The following DYRK1A variants were observed in gnomAD, a reference collection of about 807,000 sequenced individuals.
DYRK1A encodes the protein dual specificity tyrosine phosphorylation regulated kinase 1A.
Under a neutral mutation model 79.7 loss-of-function variants are expected in DYRK1A, and 9 were observed. The ratio of observed to expected loss-of-function variants is 0.11; its 90% CI spans 0.07 to 0.20. The LOEUF (loss-of-function observed/expected upper bound fraction) is 0.20. Ranked by LOEUF, DYRK1A falls within the 10% of genes least tolerant of loss-of-function variation. DYRK1A has a pLI of 1.00. For missense variants in DYRK1A, 622 were observed against 956.0 expected (o/e 0.65, Z 4.61); for synonymous variants, 349 against 329.7 (o/e 1.06, Z -0.63).
At chr21:37,387,049 A>G (rs935029819) in intron 1 of DYRK1A, among the ~76,000 whole-genome samples, 1 of 152,144 alleles carries the variant, frequency 6.6e-6, no homozygotes, top group African/African-American at 2.4e-5. Context: ...GTCCCTTGGC[A>G]CTGGGCATGC....
intron 1 of DYRK1A, among the ~76,000 whole-genome samples, chr21:37,409,076 A>G (rs963537338): frequency 1.3e-5 from 2 of 152,202 alleles, no homozygotes; most frequent in Non-Finnish European, 2.9e-5. Flanking sequence ...TTACGGGCAG[A>G]GGTGGATAAA....
At chr21:37,479,177 A>G (rs1177169880) in intron 4 of DYRK1A, among the ~76,000 whole-genome samples, 1 of 151,248 alleles carries the variant, frequency 6.6e-6, no homozygotes, top group African/African-American at 2.5e-5. Context: ...AATGTTATTT[A>G]ATGACAGTAT....
At position 37,428,423 on chromosome 21, in the gene DYRK1A, A is replaced by T. The variant is rs117280866; in HGVS notation, c.10+8039A>T. On this transcript the variant is annotated intron_variant, in intron 2 of 11. Coordinates refer to ENST00000647188, the MANE Select transcript of DYRK1A (RefSeq NM_001347721.2). ...TAGTGTAATATGTATCTCCTTTTAA[A>T]GGGATTCCCAGGGCTTCATAAATGA... Among the ~76,000 whole-genome samples the T allele has an allele frequency of 9.6e-3, 1,456 of 152,292 alleles. 23 individuals are homozygous for T. The highest frequency in any genetic ancestry group is 0.015 in the Non-Finnish European group (989 of 68,028).
rs952003894 is a variant in DYRK1A, at chr21:37,441,223, G to A, written c.10+20839G>A. 2.6e-5 allele frequency among the ~76,000 whole-genome samples: 4 copies of A among 152,150 alleles called. No individual in the cohort carries two copies. The East Asian group carries it at 5.8e-4, about 22-fold the overall frequency. On this transcript the variant is annotated intron_variant, in intron 2 of 11. Transcript: ENST00000647188. ...TAGCCATTCTGTCTTAATTTTGATAGCATGATATATCTTTTCCCAGATGTT... is the reference window on the plus strand; with the variant it reads ...TAGCCATTCTGTCTTAATTTTGATAACATGATATATCTTTTCCCAGATGTT...
chr21:37,506,260 G>T, intron 11 of DYRK1A, 37 bp downstream of exon 11: 1 of 1,613,774 alleles, frequency 6.2e-7, no homozygotes, highest in African/African-American at 1.3e-5. Context: ...TGTGTCACCT[G>T]CCATTCTCAG....
At chr21:37,437,149 T>C (rs556667781) in intron 2 of DYRK1A, among the ~76,000 whole-genome samples, 1 of 152,346 alleles carries the variant, frequency 6.6e-6, no homozygotes, top group Non-Finnish European at 1.5e-5. Flanking sequence ...TTGAGGGCCC[T>C]AAGTGGTGGA....
intron 2 of DYRK1A, among the ~76,000 whole-genome samples, chr21:37,437,648 T>C (rs891824223): frequency 1.3e-5 from 2 of 152,198 alleles, no homozygotes; most frequent in African/African-American, 2.4e-5. Flanking sequence ...CTGGTTTTAG[T>C]TCTTTTGAGA....
At chr21:37,483,401 C>T (rs2052728320) in intron 5 of DYRK1A, among the ~76,000 whole-genome samples, 1 of 152,154 alleles carries the variant, frequency 6.6e-6, no homozygotes, top group East Asian at 1.9e-4. Flanking sequence ...TTGTGTTAGA[C>T]CTGTGTCACT....
intron 1 of DYRK1A, among the ~76,000 whole-genome samples, chr21:37,384,086 GC>G: frequency 6.6e-6 from 1 of 152,204 alleles, no homozygotes; most frequent in African/African-American, 2.4e-5. Context: ...CTGCTTGAAG[GC>G]ACTTTTCACA....
At chr21:37,415,896 TGC>T (rs2050328673) in intron 1 of DYRK1A, among the ~76,000 whole-genome samples, 1 of 152,202 alleles carries the variant, frequency 6.6e-6, no homozygotes. Flanking sequence ...AAGTAATTAC[TGC>T]TAATGAGCTC....
chr21:37,500,632 TTA>T (rs1555988932), intron 9 of DYRK1A, among the ~76,000 whole-genome samples: 1 of 152,132 alleles, frequency 6.6e-6, no homozygotes, highest in Non-Finnish European at 1.5e-5. Context: ...TAATTATAAT[TTA>T]TGTTTTTTGA....
rs937383621 is a variant in DYRK1A, at chr21:37,381,250, G to A, written c.-77+13622G>A. ...GTTTGTTGGACTAAGAGATTAGCAG[G>A]AAATATGAGAGCTTTGAGGAAAAAG... On this transcript the variant is annotated intron_variant, in intron 1 of 11. Transcript: ENST00000647188. Among the ~76,000 whole-genome samples, 3 of 152,184 alleles carry A rather than the reference G, an allele frequency of 2.0e-5. No homozygotes were observed. In the East Asian group the frequency reaches 5.8e-4, roughly 29 times the overall value.
Position 37,517,229 on chromosome 21 carries a change from AGTG to A in DYRK1A, c.*4703_*4705del, listed in dbSNP as rs1166063599. On this transcript the variant is annotated 3_prime_UTR_variant, in exon 12 of 12. Coordinates refer to ENST00000647188, the MANE Select transcript of DYRK1A (RefSeq NM_001347721.2). ...AGTGCATTAAGTTTGGGTCAGGCAAAGTGGTGGCAAAAGTTCATGATGCAGGAC... is the reference window on the plus strand; with the variant it reads ...AGTGCATTAAGTTTGGGTCAGGCAAAGTGGCAAAAGTTCATGATGCAGGAC... The A allele has an allele frequency of 5.9e-5, 9 of 152,400 alleles. No individual in the cohort carries two copies. Among genetic ancestry groups the A allele is most frequent in the African/African-American group, 2.2e-4 (9 of 41,568 alleles). The allele number at this position is 152,400 out of a possible 1,614,324, so 9.4% of individuals were successfully genotyped here. A position where few individuals can be genotyped will look rare whatever the true frequency, so the allele number is the denominator to read the frequency against.
chr21:37,446,631 C>T (rs868199711), intron 2 of DYRK1A, among the ~76,000 whole-genome samples: 1 of 150,574 alleles, frequency 6.6e-6, no homozygotes, highest in Non-Finnish European at 1.5e-5. Flanking sequence ...CAAGTGTGCT[C>T]ACACGTGTTA....
intron 2 of DYRK1A, among the ~76,000 whole-genome samples, chr21:37,442,350 C>T (rs2051133381): frequency 6.6e-6 from 1 of 151,996 alleles, no homozygotes. Flanking sequence ...TATTAGGGTG[C>T]TTGAGATTGT....
At chr21:37,499,779 T>TA (rs2053385024) in intron 9 of DYRK1A, among the ~76,000 whole-genome samples, 1 of 152,248 alleles carries the variant, frequency 6.6e-6, no homozygotes. Context: ...AAGACCTTGC[T>TA]AAATTCACCT....
rs567189436 is a variant in DYRK1A, at chr21:37,409,875, A to T, written c.-76-10424A>T. On this transcript the variant is annotated intron_variant, in intron 1 of 11. Transcript: ENST00000647188. ...GCAGTGAAGCTTTCAGAAGAATTCA[A>T]GTGATCACACAACATCATATCTGTG... Among the ~76,000 whole-genome samples the T allele has an allele frequency of 8.1e-4, 124 of 152,336 alleles. 4 individuals are homozygous for T. In the South Asian group the frequency reaches 0.025, roughly 31 times the overall value.
At chr21:37,433,262 C>G (rs1173227941) in intron 2 of DYRK1A, among the ~76,000 whole-genome samples, 4 of 152,032 alleles carry the variant, frequency 2.6e-5, no homozygotes, top group African/African-American at 4.8e-5. Flanking sequence ...ATGATGTTTC[C>G]TTATGTCTCT....
At chr21:37,384,390 C>G (rs2049719076) in intron 1 of DYRK1A, among the ~76,000 whole-genome samples, 1 of 152,040 alleles carries the variant, frequency 6.6e-6, no homozygotes, top group South Asian at 2.1e-4. Context: ...TACCTTGTAA[C>G]CAGAGTGGAA....
Sources: allele counts gnomAD v4.1 joint callset (sites outside exome capture counted in the v4.1 genomes callset), GRCh38; gene constraint gnomAD v4.1.1; transcripts MANE v1.5; gene names NCBI Gene and HGNC (gene_info 2026-07-23, HGNC 2026-07-21).